The following MTUS1 variants were observed in gnomAD, a reference collection of about 807,000 sequenced individuals.
MTUS1 encodes microtubule associated scaffold protein 1.
In MTUS1, 109 loss-of-function variants were observed where a neutral mutation model predicts 120.8. That is an observed-to-expected ratio of 0.90 (90% CI 0.77 to 1.06). MTUS1 has a LOEUF of 1.06. Ranked by LOEUF, MTUS1 falls within the 50% of genes least tolerant of loss-of-function variation. The pLI, the probability that MTUS1 is intolerant of heterozygous loss-of-function variation, is 0.00. For synonymous variants in MTUS1, 737 were observed against 550.5 expected, an observed-to-expected ratio of 1.34 and a Z score of -4.74; for missense variants, 2,210 against 1,486.3, an observed-to-expected ratio of 1.49 and a Z score of -8.01.
At chr8:17,668,434 C>T (rs1331540785) in intron 8 of MTUS1, among the ~76,000 whole-genome samples, 1 of 152,166 alleles carries the variant, frequency 6.6e-6, no homozygotes, top group Non-Finnish European at 1.5e-5. Flanking sequence ...TGTTATTCAA[C>T]ATGACTCTGG....
At chr8:17,710,893 T>C (rs1821146131) in intron 6 of MTUS1, among the ~76,000 whole-genome samples, 1 of 152,244 alleles carries the variant, frequency 6.6e-6, no homozygotes, top group Non-Finnish European at 1.5e-5. Context: ...TCTTGTACTA[T>C]ATATTACTAT....
At chr8:17,727,816 G>C (rs2046318372) in intron 3 of MTUS1, among the ~76,000 whole-genome samples, 1 of 152,304 alleles carries the variant, frequency 6.6e-6, no homozygotes, top group Middle Eastern at 3.4e-3. Flanking sequence ...CTTACGTATA[G>C]ACAACAGATT....
chr8:17,758,025 T>G (rs1026268033), intron 1 of MTUS1: 2 of 152,034 alleles, frequency 1.3e-5, no homozygotes, highest in African/African-American at 4.8e-5. Flanking sequence ...ACACTTGAAC[T>G]AATTTTCTAA....
intron 13 of MTUS1, among the ~76,000 whole-genome samples, chr8:17,649,127 C>T (rs528569310): frequency 3.8e-4 from 58 of 151,642 alleles, no homozygotes; most frequent in East Asian, 7.7e-4. Context: ...CTTGCTATGT[C>T]GCCCAGGCTG....
rs209569 is a variant in MTUS1 at position 17,754,084 on chromosome 8, T to C, written c.1724A>G (p.His575Arg). 16,914 of 1,614,126 alleles carry C rather than the reference T, an allele frequency of 0.01. 119 individuals are homozygous for C. Among genetic ancestry groups the C allele is most frequent in the Non-Finnish European group, 0.012 (13,595 of 1,180,014 alleles). Residue 575 changes from histidine (H) to arginine (R), a missense_variant, in exon 2 of 15, where the codon CAT becomes CGT. Transcript: ENST00000693296. Reference sequence around the variant, plus strand: ...AATGAGTTTATTAAACTGCTGCTTATGTGTCTTGTTAATTAGAATTTCTGC... The same window carrying C: ...AATGAGTTTATTAAACTGCTGCTTACGTGTCTTGTTAATTAGAATTTCTGC... ...KKAEILINKT[H>R]KQQFNKLITS...
rs188771643 is a variant in MTUS1 at position 17,647,395 on chromosome 8, C to A, written c.3502-316G>T. The A allele has an allele frequency of 3.0e-3, 704 of 233,470 alleles. 6 individuals are homozygous for A. The highest frequency in any genetic ancestry group is 0.015 in the African/African-American group (630 of 42,960). The allele number at this position is 233,470 out of a possible 1,614,324, so 14.5% of individuals were successfully genotyped here. A position where few individuals can be genotyped will look rare whatever the true frequency, so the allele number is the denominator to read the frequency against. ...TCTTTCTGTTTCAATGTGAAATAAA[C>A]CCTGCAGACACACTGCCCACACTTA... On this transcript the variant is annotated intron_variant, in intron 13 of 14. Transcript: ENST00000693296.
intron 1 of MTUS1, among the ~76,000 whole-genome samples, chr8:17,784,418 C>G (rs1045730728): frequency 1.6e-4 from 24 of 151,584 alleles, no homozygotes; most frequent in Non-Finnish European, 3.4e-4. Flanking sequence ...GCCTCAGCCT[C>G]TCAGGTAGCT....
intron 8 of MTUS1, among the ~76,000 whole-genome samples, chr8:17,663,474 A>T (rs569680770): frequency 6.6e-6 from 1 of 152,358 alleles, no homozygotes; most frequent in East Asian, 1.9e-4. Flanking sequence ...GCTCAAGAAC[A>T]TAAATAAATG....
At chr8:17,721,620 C>T (rs1175692126) in intron 4 of MTUS1, 2 of 1,408,888 alleles carry the variant, frequency 1.4e-6, no homozygotes, top group African/African-American at 1.5e-5. Context: ...TTACAAGTTA[C>T]AAAAACAGAA....
chr8:17,687,802 T>G (rs554685401), intron 6 of MTUS1, among the ~76,000 whole-genome samples: 5 of 152,300 alleles, frequency 3.3e-5, no homozygotes, highest in Admixed American at 1.3e-4. Flanking sequence ...CTTTGTTCTT[T>G]CTATTCAGAA....
chr8:17,688,980 G>A (rs1816404404), intron 6 of MTUS1, among the ~76,000 whole-genome samples: 1 of 152,162 alleles, frequency 6.6e-6, no homozygotes, highest in Admixed American at 6.5e-5. Flanking sequence ...GGGAGGCCAA[G>A]GCGGGCAGAT....
At chr8:17,800,985 C>G (rs2052639407) in intron 1 of MTUS1, 76 bp downstream of exon 1, 1 of 152,294 alleles carries the variant, frequency 6.6e-6, no homozygotes, top group Non-Finnish European at 1.5e-5. Flanking sequence ...GTCCCGTCAC[C>G]CTGGGCGGCG....
chr8:17,726,840 C>T (rs954315113), intron 3 of MTUS1, among the ~76,000 whole-genome samples: 12 of 152,118 alleles, frequency 7.9e-5, no homozygotes, highest in East Asian at 7.7e-4. Context: ...AGGTTGGGCA[C>T]GTAACAGATC....
chr8:17,653,231 C>T lies in MTUS1; in HGVS notation c.3339G>A (p.Leu1113=), dbSNP rs751661673. The change falls in exon 12 of 15, where the codon TTG becomes TTA. Residue 1113 remains leucine (L), a synonymous_variant. Transcript: ENST00000693296. ...CTCTTCTTTTTTGTTCTTCTGATTTCAATTTTTCATTTAAAGCATCATTTT... is the reference window on the plus strand; with the variant it reads ...CTCTTCTTTTTTGTTCTTCTGATTTTAATTTTTCATTTAAAGCATCATTTT... ...KSENDALNEK[L]KSEEQKRRAR... is the part of the protein sequence containing the mutation. The T allele has an allele frequency of 1.9e-6, 3 of 1,557,312 alleles. No homozygotes were observed. In the South Asian group the frequency reaches 3.7e-5, roughly 19 times the overall value.
At chr8:17,756,015 A>AC (rs1305828761) in intron 1 of MTUS1, 54 bp from the exon 2 acceptor site, 2 of 1,186,432 alleles carry the variant, frequency 1.7e-6, no homozygotes, top group African/African-American at 1.5e-5. Flanking sequence ...TTAACAGGCC[A>AC]CCCCTTGGTT....
chr8:17,790,054 T>C (rs558216119), intron 1 of MTUS1, among the ~76,000 whole-genome samples: 5 of 152,136 alleles, frequency 3.3e-5, no homozygotes, highest in African/African-American at 1.2e-4. Context: ...TTTCTACTTT[T>C]AAAAAAAGTT....
intron 1 of MTUS1, among the ~76,000 whole-genome samples, chr8:17,778,805 T>A (rs1490862708): frequency 6.6e-6 from 1 of 152,002 alleles, no homozygotes; most frequent in East Asian, 1.9e-4. Context: ...TAAGACTCTA[T>A]CTCCAAAAAT....
chr8:17,794,499 G>A (rs1422248591), intron 1 of MTUS1, among the ~76,000 whole-genome samples: 1 of 152,104 alleles, frequency 6.6e-6, no homozygotes, highest in Non-Finnish European at 1.5e-5. Flanking sequence ...TACAACACGT[G>A]AATTTTTCTT....
chr8:17,756,440 A>C (rs549993291), intron 1 of MTUS1, among the ~76,000 whole-genome samples: 1 of 150,396 alleles, frequency 6.6e-6, no homozygotes, highest in South Asian at 2.1e-4. Context: ...ATTATTAGAC[A>C]GGCCATGAAA....
Sources: allele counts gnomAD v4.1 joint callset (sites outside exome capture counted in the v4.1 genomes callset), GRCh38; gene constraint gnomAD v4.1.1; transcripts MANE v1.5; gene names NCBI Gene and HGNC (gene_info 2026-07-23, HGNC 2026-07-21).